Variants in CTNNA3 observed in about 807,000 individuals in gnomAD.
The protein encoded by CTNNA3 is catenin alpha 3.
CTNNA3 carries 76 observed loss-of-function variants against 95.7 expected under a neutral mutation model. The ratio of observed to expected loss-of-function variants is 0.79; its 90% CI spans 0.66 to 0.96. CTNNA3 has a LOEUF of 0.96. Among genes scored for constraint, CTNNA3 ranks in the 40% least tolerant of loss-of-function variants. The probability of loss-of-function intolerance (pLI) is 0.00; values close to 1 mark genes in which losing one functional copy is unlikely to be tolerated. For missense variants in CTNNA3, 1,191 were observed against 1,089.8 expected (o/e 1.09, Z -1.31); for synonymous variants, 431 against 374.4 (o/e 1.15, Z -1.74).
chr10:67,728,882 AG>A (rs1382502795), intron 1 of CTNNA3, among the ~76,000 whole-genome samples: 1 of 152,132 alleles, frequency 6.6e-6, no homozygotes, highest in Non-Finnish European at 1.5e-5. Flanking sequence ...TTAATAGAAT[AG>A]GACAACAAAT....
chr10:66,777,509 T>C (rs1329377182), intron 7 of CTNNA3, among the ~76,000 whole-genome samples: 1 of 152,084 alleles, frequency 6.6e-6, no homozygotes, highest in Admixed American at 6.6e-5. Flanking sequence ...AAGTTGTGGC[T>C]ACCTTCACAG....
chr10:65,955,492 G>A (rs978025754), intron 17 of CTNNA3, among the ~76,000 whole-genome samples: 1 of 152,114 alleles, frequency 6.6e-6, no homozygotes, highest in Non-Finnish European at 1.5e-5. Context: ...GCTTCCAGTT[G>A]TTGCCCATTC....
chr10:67,400,429 G>T (rs138017348), intron 5 of CTNNA3, among the ~76,000 whole-genome samples: 1 of 152,110 alleles, frequency 6.6e-6, no homozygotes, highest in Non-Finnish European at 1.5e-5. Context: ...TGTTGATTAT[G>T]AGAACAATAA....
chr10:66,984,509 C>A (rs1314270443), intron 7 of CTNNA3, among the ~76,000 whole-genome samples: 1 of 152,126 alleles, frequency 6.6e-6, no homozygotes, highest in Admixed American at 6.6e-5. Flanking sequence ...CTTAGGAAGT[C>A]ATTTTGTCTC....
chr10:66,843,307 C>G (rs1483744911), intron 7 of CTNNA3, among the ~76,000 whole-genome samples: 1 of 152,102 alleles, frequency 6.6e-6, no homozygotes, highest in Non-Finnish European at 1.5e-5. Flanking sequence ...CAAAGGCAAA[C>G]TGCATATTTC....
intron 11 of CTNNA3, among the ~76,000 whole-genome samples, chr10:66,411,362 T>C (rs1008359455): frequency 5.3e-5 from 8 of 152,150 alleles, no homozygotes; most frequent in African/African-American, 1.9e-4. Context: ...TTTGATTTTG[T>C]GTTTTTCTTT....
chr10:67,745,566 C>T (rs773311011), intron 1 of CTNNA3, among the ~76,000 whole-genome samples: 29 of 150,900 alleles, frequency 1.9e-4, no homozygotes, highest in Non-Finnish European at 4.1e-4. Flanking sequence ...TGCTAAATGA[C>T]GAGTTAATGG....
At chr10:66,835,037 G>A (rs12257423) in intron 7 of CTNNA3, among the ~76,000 whole-genome samples, 22,121 of 152,168 alleles carry the variant, frequency 0.15, 1,709 homozygotes, top group Middle Eastern at 0.23. Flanking sequence ...AGTTTCATCT[G>A]ACACAATAGC....
intron 5 of CTNNA3, among the ~76,000 whole-genome samples, chr10:67,384,214 G>A (rs1295223315): frequency 2.0e-5 from 3 of 152,086 alleles, no homozygotes; most frequent in African/African-American, 2.4e-5. Context: ...AAGTAAGGTC[G>A]CTATACATCA....
intron 13 of CTNNA3, among the ~76,000 whole-genome samples, chr10:66,135,468 C>T (rs1248222713): frequency 1.3e-5 from 2 of 152,116 alleles, no homozygotes; most frequent in Admixed American, 6.6e-5. Context: ...TCATCAATCC[C>T]ATCTGTAACA....
At chr10:66,669,466 C>T (rs763755062) in intron 9 of CTNNA3, among the ~76,000 whole-genome samples, 3 of 150,746 alleles carry the variant, frequency 2.0e-5, no homozygotes, top group Admixed American at 6.6e-5. Context: ...TCACTTGAAC[C>T]GGGAGGCAGA....
chr10:67,644,251 T>A (rs60794732), intron 2 of CTNNA3, among the ~76,000 whole-genome samples: 2 of 152,028 alleles, frequency 1.3e-5, no homozygotes, highest in Admixed American at 1.3e-4. Context: ...TGGTATCTCA[T>A]TGTGGTTTTG....
intron 4 of CTNNA3, among the ~76,000 whole-genome samples, chr10:67,532,229 T>C (rs1051458272): frequency 6.6e-6 from 1 of 152,206 alleles, no homozygotes; most frequent in African/African-American, 2.4e-5. Context: ...AAAATATACA[T>C]AGCTTCTAAC....
intron 7 of CTNNA3, among the ~76,000 whole-genome samples, chr10:67,049,880 T>C (rs1854976962): frequency 6.6e-6 from 1 of 152,226 alleles, no homozygotes; most frequent in South Asian, 2.1e-4. Context: ...TATTAGCCTA[T>C]GTTATTCTAA....
At chr10:67,090,281 A>G (rs917101483) in intron 7 of CTNNA3, among the ~76,000 whole-genome samples, 19 of 152,090 alleles carry the variant, frequency 1.2e-4, no homozygotes, top group African/African-American at 3.6e-4. Context: ...AGCTGTCACT[A>G]TCTTACCCAC....
intron 13 of CTNNA3, among the ~76,000 whole-genome samples, chr10:66,194,593 A>G (rs919180171): frequency 6.6e-6 from 1 of 152,218 alleles, no homozygotes; most frequent in Non-Finnish European, 1.5e-5. Context: ...AAAATAATTA[A>G]ATAAATAAAA....
intron 11 of CTNNA3, among the ~76,000 whole-genome samples, chr10:66,456,193 T>C (rs550976286): frequency 2.4e-4 from 36 of 152,246 alleles, no homozygotes; most frequent in African/African-American, 8.4e-4. Context: ...AATTTGAAGA[T>C]TAATATGGAA....
intron 7 of CTNNA3, among the ~76,000 whole-genome samples, chr10:67,074,342 C>CTTTTTTTTT (rs36186252): frequency 1.5e-5 from 1 of 68,726 alleles, no homozygotes; most frequent in African/African-American, 6.9e-5. Flanking sequence ...CACTTTAACT[C>CTTTTTTTTT]TTTTTTTTTT....
chr10:67,439,972 C>T (rs1846439217), intron 5 of CTNNA3, among the ~76,000 whole-genome samples: 1 of 152,072 alleles, frequency 6.6e-6, no homozygotes, highest in South Asian at 2.1e-4. Context: ...GTAAAGGGGG[C>T]TTTTTCTTGC....
Sources: allele counts gnomAD v4.1 joint callset (sites outside exome capture counted in the v4.1 genomes callset), GRCh38; gene constraint gnomAD v4.1.1; transcripts MANE v1.5; gene names NCBI Gene and HGNC (gene_info 2026-07-23, HGNC 2026-07-21).